Variants in AKR1C8 observed in about 807,000 individuals in gnomAD.
AKR1C8 encodes aldo-keto reductase family 1 member C8.
At chr10:5,120,337 A>G in the AKR1C8 span, among the ~76,000 whole-genome samples, 4 of 150,940 alleles carry the variant, frequency 2.7e-5, no homozygotes, top group African/African-American at 7.3e-5. Context: ...TCCACACTCT[A>G]TATTTCTGTG....
At chr10:5,118,312 A>G in the AKR1C8 span, among the ~76,000 whole-genome samples, 89,331 of 149,786 alleles carry the variant, frequency 0.6, 27,034 homozygotes, top group African/African-American at 0.68. Flanking sequence ...TAAAGTTTCA[A>G]GGTAATTTCT....
chr10:5,121,466 G>T, the AKR1C8 span, among the ~76,000 whole-genome samples: 15 of 152,132 alleles, frequency 9.9e-5, no homozygotes, highest in Admixed American at 7.9e-4. Flanking sequence ...TTATAGAGCT[G>T]AGAAAATGAG....
chr10:5,163,234 G>A, the AKR1C8 span, among the ~76,000 whole-genome samples: 1 of 152,074 alleles, frequency 6.6e-6, no homozygotes, highest in South Asian at 2.1e-4. Flanking sequence ...CTTCACCCTG[G>A]AGCATGGAAA....
the AKR1C8 span, among the ~76,000 whole-genome samples, chr10:5,119,043 C>T: frequency 2.0e-5 from 3 of 152,156 alleles, no homozygotes; most frequent in Admixed American, 6.5e-5. Flanking sequence ...AGGCATTTAC[C>T]AATTTTGATC....
chr10:5,161,562 A>T, the AKR1C8 span: 1 of 379,352 alleles, frequency 2.6e-6, no homozygotes, highest in Non-Finnish European at 5.2e-6. Context: ...CCATTCAGGA[A>T]CACAAGCACT....
chr10:5,120,474 G>T, the AKR1C8 span, among the ~76,000 whole-genome samples: 1 of 152,046 alleles, frequency 6.6e-6, no homozygotes, highest in Admixed American at 6.6e-5. Context: ...AGTATTATTT[G>T]TTTTCCTTTT....
the AKR1C8 span, among the ~76,000 whole-genome samples, chr10:5,156,158 A>G: frequency 2.0e-5 from 3 of 152,310 alleles, no homozygotes; most frequent in Middle Eastern, 3.4e-3. Flanking sequence ...AACCTGATCC[A>G]GCCTTGGAAT....
At chr10:5,134,670 C>G in the AKR1C8 span, among the ~76,000 whole-genome samples, 2 of 152,182 alleles carry the variant, frequency 1.3e-5, no homozygotes, top group Non-Finnish European at 2.9e-5. Context: ...CAAGGCCACA[C>G]AGCAGCTCAG....
At chr10:5,157,298 C>T in the AKR1C8 span, among the ~76,000 whole-genome samples, 33 of 152,100 alleles carry the variant, frequency 2.2e-4, no homozygotes, top group Non-Finnish European at 2.2e-4. Context: ...TTTTAAAATA[C>T]AAATAGGCAT....
chr10:5,171,289 G>A, the AKR1C8 span, among the ~76,000 whole-genome samples: 19,408 of 151,980 alleles, frequency 0.13, 1,493 homozygotes, highest in Admixed American at 0.17. Flanking sequence ...AAAGTTTTAA[G>A]GTAGCCATAG....
At chr10:5,135,452 T>C in the AKR1C8 span, among the ~76,000 whole-genome samples, 6 of 152,190 alleles carry the variant, frequency 3.9e-5, no homozygotes, top group Non-Finnish European at 7.3e-5. Flanking sequence ...AAGTACATTT[T>C]AATATAGTCA....
the AKR1C8 span, among the ~76,000 whole-genome samples, chr10:5,145,959 CAAT>C: frequency 2.6e-5 from 4 of 151,850 alleles, no homozygotes; most frequent in Non-Finnish European, 5.9e-5. Flanking sequence ...AAATGTCCAA[CAAT>C]GATAGACTGG....
At chr10:5,161,614 A>G in the AKR1C8 span, 7 of 504,362 alleles carry the variant, frequency 1.4e-5, no homozygotes, top group South Asian at 1.0e-4. Context: ...AGGGTAGAGG[A>G]AGTGAGATCA....
the AKR1C8 span, chr10:5,123,946 T>A: frequency 2.0e-6 from 2 of 991,150 alleles, no homozygotes; most frequent in Non-Finnish European, 2.9e-6. Context: ...ACTGACAATA[T>A]TACTGTCAAC....
chr10:5,171,939 T>C, the AKR1C8 span, among the ~76,000 whole-genome samples: 4 of 152,166 alleles, frequency 2.6e-5, no homozygotes, highest in African/African-American at 9.6e-5. Flanking sequence ...GCACATAAAC[T>C]GTTTCTTCAA....
At chr10:5,167,890 T>C in the AKR1C8 span, among the ~76,000 whole-genome samples, 1 of 152,144 alleles carries the variant, frequency 6.6e-6, no homozygotes, top group South Asian at 2.1e-4. Context: ...TGTGTGTGTT[T>C]TTATAGGAAT....
chr10:5,154,171 T>G, the AKR1C8 span: 3 of 470,258 alleles, frequency 6.4e-6, no homozygotes, highest in East Asian at 2.1e-4. Context: ...AAAATAAGGG[T>G]GATTAGCAGC....
the AKR1C8 span, among the ~76,000 whole-genome samples, chr10:5,183,458 T>C: frequency 3.9e-5 from 6 of 152,196 alleles, no homozygotes; most frequent in Non-Finnish European, 8.8e-5. Context: ...TTAATACATG[T>C]ACTCTAATAG....
chr10:5,158,012 A>T, the AKR1C8 span, among the ~76,000 whole-genome samples: 1 of 152,224 alleles, frequency 6.6e-6, no homozygotes, highest in South Asian at 2.1e-4. Flanking sequence ...GAATGGATAA[A>T]CAAGTTATCC....
Sources: gnomAD v4.1 joint callset for allele counts (sites outside exome capture counted in the v4.1 genomes callset) on GRCh38, gnomAD v4.1.1 for gene constraint, MANE v1.5 for transcripts, NCBI Gene and HGNC (gene_info 2026-07-23, HGNC 2026-07-21) for gene names.